GRID1: variants seen among roughly 807,000 people sequenced by gnomAD.
GRID1 encodes the protein glutamate receptor ionotropic, delta-1.
A neutral mutation model predicts 98.0 loss-of-function variants in GRID1; 28 were observed. That is an observed-to-expected ratio of 0.29 (90% CI 0.21 to 0.39). GRID1 has a LOEUF of 0.39. Among genes scored for constraint, GRID1 ranks in the 10% least tolerant of loss-of-function variants. The pLI is 1.00. For missense variants in GRID1, 1,111 were observed against 1,340.5 expected (o/e 0.83, Z 2.67); for synonymous variants, 553 against 538.5 (o/e 1.03, Z -0.37).
chr10:85,879,937 T>G (rs60667922), intron 5 of GRID1, among the ~76,000 whole-genome samples: 12,368 of 151,734 alleles, frequency 0.082, 621 homozygotes, highest in African/African-American at 0.13. Context: ...TGATAAAGGG[T>G]ATATCACCAC....
intron 5 of GRID1, among the ~76,000 whole-genome samples, chr10:85,873,611 C>G (rs1407515751): frequency 1.3e-5 from 2 of 152,180 alleles, no homozygotes; most frequent in Non-Finnish European, 2.9e-5. Flanking sequence ...AAGCTTACTC[C>G]TTCCTCCTCA....
At chr10:85,999,210 T>C (rs1474982482) in intron 4 of GRID1, among the ~76,000 whole-genome samples, 2 of 72,188 alleles carry the variant, frequency 2.8e-5, no homozygotes, top group Non-Finnish European at 6.3e-5. Flanking sequence ...AGACTCTATT[T>C]CAAAAAAAAA....
At chr10:85,849,308 T>G (rs907052529) in intron 8 of GRID1, among the ~76,000 whole-genome samples, 1 of 152,220 alleles carries the variant, frequency 6.6e-6, no homozygotes, top group Admixed American at 6.5e-5. Context: ...CAGTGAATTA[T>G]CAGCAGACAC....
intron 13 of GRID1, among the ~76,000 whole-genome samples, chr10:85,639,346 T>C (rs1463710542): frequency 6.6e-6 from 1 of 152,240 alleles, no homozygotes; most frequent in African/African-American, 2.4e-5. Context: ...TGATTCCATT[T>C]ATATTAACTA....
At chr10:86,101,501 C>T (rs1022967251) in intron 4 of GRID1, among the ~76,000 whole-genome samples, 6 of 152,154 alleles carry the variant, frequency 3.9e-5, no homozygotes, top group Admixed American at 2.0e-4. Context: ...CAATCAGGAA[C>T]ATCACATAAT....
chr10:85,868,056 G>A (rs1843238529), intron 6 of GRID1, among the ~76,000 whole-genome samples: 1 of 152,188 alleles, frequency 6.6e-6, no homozygotes, highest in Non-Finnish European at 1.5e-5. Flanking sequence ...ATACTCAGGT[G>A]GCAGATACAG....
intron 3 of GRID1, among the ~76,000 whole-genome samples, chr10:86,202,433 G>A (rs1453342789): frequency 6.6e-6 from 1 of 152,148 alleles, no homozygotes. Context: ...CTCCCACCTC[G>A]GCCCCTGCCA....
intron 12 of GRID1, among the ~76,000 whole-genome samples, chr10:85,671,624 A>G (rs985179233): frequency 1.3e-5 from 2 of 152,182 alleles, no homozygotes; most frequent in Non-Finnish European, 2.9e-5. Flanking sequence ...TAATCTTAAA[A>G]TGGCCTGATT....
chr10:85,672,666 C>T (rs1343629998), intron 12 of GRID1, among the ~76,000 whole-genome samples: 1 of 151,980 alleles, frequency 6.6e-6, no homozygotes, highest in Non-Finnish European at 1.5e-5. Flanking sequence ...TACAGCATGG[C>T]TTACTGAATA....
chr10:85,600,975 T>G lies in GRID1; in HGVS notation c.*1298A>C, dbSNP rs1272483107. 2.6e-5 allele frequency: 4 copies of G among 152,320 alleles called. No individual in the cohort carries two copies. The highest frequency in any genetic ancestry group is 5.9e-5 in the Non-Finnish European group (4 of 68,140). 9.4% of individuals were successfully genotyped at this position (152,320 alleles called of 1,614,324 possible). ...TAAAGGTGGAAGGGAGAGTTTGTGC[T>G]GGAGCCAGCCCTGTTTGTTGGACTG... On this transcript the variant is annotated 3_prime_UTR_variant, in exon 16 of 16. Transcript: ENST00000327946.
intron 2 of GRID1, among the ~76,000 whole-genome samples, chr10:86,253,407 A>C (rs372827503): frequency 6.6e-6 from 1 of 152,354 alleles, no homozygotes; most frequent in East Asian, 1.9e-4. Context: ...CTGCATTGAA[A>C]TGTGCCTCCT....
At chr10:86,217,313 A>G (rs1473383394) in intron 2 of GRID1, among the ~76,000 whole-genome samples, 1 of 152,254 alleles carries the variant, frequency 6.6e-6, no homozygotes, top group East Asian at 1.9e-4. Context: ...CCTCACCTGT[A>G]AATGGATAAT....
At chr10:85,705,600 T>C (rs1841506765) in intron 12 of GRID1, among the ~76,000 whole-genome samples, 1 of 152,222 alleles carries the variant, frequency 6.6e-6, no homozygotes, top group Non-Finnish European at 1.5e-5. Context: ...CTTCCCTAAC[T>C]CGTTTTATGA....
intron 3 of GRID1, among the ~76,000 whole-genome samples, chr10:86,170,595 A>C (rs188834487): frequency 2.3e-4 from 35 of 152,276 alleles, no homozygotes; most frequent in African/African-American, 7.9e-4. Context: ...AACCACAAAG[A>C]AGCATTGCAG....
At chr10:85,794,545 T>C (rs1320375298) in intron 8 of GRID1, among the ~76,000 whole-genome samples, 2 of 152,250 alleles carry the variant, frequency 1.3e-5, no homozygotes, top group Non-Finnish European at 2.9e-5. Context: ...TGGAAGAATC[T>C]TGCTGATTAT....
At position 85,599,821 on chromosome 10, in the gene GRID1, A is replaced by ATATATATATATATATAT. The variant is rs1470286241; in HGVS notation, c.*2451_*2452insATATATATATATATATA. The ATATATATATATATATAT allele has an allele frequency of 7.7e-5, 10 of 129,334 alleles. No homozygotes were observed. The highest frequency in any genetic ancestry group is 9.5e-5 in the Non-Finnish European group (6 of 62,930). The allele number at this position is 129,334 out of a possible 1,614,324, so 8.0% of individuals were successfully genotyped here. A position where few individuals can be genotyped will look rare whatever the true frequency, so the allele number is the denominator to read the frequency against. On this transcript the variant is annotated 3_prime_UTR_variant, in exon 16 of 16. Coordinates refer to ENST00000327946, the MANE Select transcript of GRID1 (RefSeq NM_017551.3). Reference sequence around the variant, plus strand: ...AAAAAAAATATATATATATATATATAAACATGGTGAAGAATAACACCATGA... The same window carrying ATATATATATATATATAT: ...AAAAAAAATATATATATATATATATATATATATATATATATATAACATGGTGAAGAATAACACCATGA...
chr10:86,003,124 G>C (rs1842820404), intron 4 of GRID1, among the ~76,000 whole-genome samples: 1 of 152,182 alleles, frequency 6.6e-6, no homozygotes, highest in Admixed American at 6.5e-5. Context: ...GAACCTCCTG[G>C]GCATCTGTAG....
intron 8 of GRID1, among the ~76,000 whole-genome samples, chr10:85,799,458 A>T (rs1438821934): frequency 6.6e-6 from 1 of 152,194 alleles, no homozygotes; most frequent in Non-Finnish European, 1.5e-5. Context: ...TAAGATATAG[A>T]ATCAACCTAA....
At chr10:85,909,578 A>G (rs2131820580) in intron 5 of GRID1, among the ~76,000 whole-genome samples, 1 of 152,376 alleles carries the variant, frequency 6.6e-6, no homozygotes, top group East Asian at 1.9e-4. Context: ...TTAAAAGGAA[A>G]GAACTATTGC....
Sources: allele counts gnomAD v4.1 joint callset (sites outside exome capture counted in the v4.1 genomes callset), GRCh38; gene constraint gnomAD v4.1.1; transcripts MANE v1.5; gene names NCBI Gene and HGNC (gene_info 2026-07-23, HGNC 2026-07-21).